NACC2: variants seen among roughly 807,000 people sequenced by gnomAD.
NACC2 encodes the protein nucleus accumbens-associated protein 2.
In NACC2, 8 loss-of-function variants were observed where a neutral mutation model predicts 25.1. The ratio of observed to expected loss-of-function variants is 0.32; its 90% CI spans 0.19 to 0.57. NACC2 has a LOEUF of 0.57. NACC2 is among the 20% of genes least tolerant of loss of function. The pLI, the probability that NACC2 is intolerant of heterozygous loss-of-function variation, is 0.89. For missense variants in NACC2, 644 were observed against 650.2 expected, an observed-to-expected ratio of 0.99 and a Z score of 0.10; for synonymous variants, 435 against 294.7, an observed-to-expected ratio of 1.48 and a Z score of -4.88.
At position 136,007,097 on chromosome 9, in the gene NACC2, T is replaced by C. The variant is rs1049348046; in HGVS notation, c.*4419A>G. On this transcript the variant is annotated 3_prime_UTR_variant, in exon 6 of 6. Transcript: ENST00000277554. Reference sequence around the variant, plus strand: ...TTTATACTTAGTTCTTTTTTTTGTCTGCTAAAAATAGTATTGCAAGTTTTG... The same window carrying C: ...TTTATACTTAGTTCTTTTTTTTGTCCGCTAAAAATAGTATTGCAAGTTTTG... The C allele has an allele frequency of 1.3e-5, 2 of 154,418 alleles. No homozygotes were observed. Among genetic ancestry groups the C allele is most frequent in the African/African-American group, 4.8e-5 (2 of 41,554 alleles). The allele number at this position is 154,418 out of a possible 1,614,324, so 9.6% of individuals were successfully genotyped here.
At chr9:136,065,549 G>C (rs2131174028) in intron 1 of NACC2, among the ~76,000 whole-genome samples, 1 of 152,378 alleles carries the variant, frequency 6.6e-6, no homozygotes, top group East Asian at 1.9e-4. Flanking sequence ...GAACCTGAGA[G>C]GCAGAGGTTG....
chr9:136,073,374 G>A (rs1346929414), intron 1 of NACC2, among the ~76,000 whole-genome samples: 1 of 152,126 alleles, frequency 6.6e-6, no homozygotes, highest in Admixed American at 6.5e-5. Flanking sequence ...AGGCTGCAGT[G>A]AGCTGTGGTC....
Position 136,049,992 on chromosome 9 carries a change from G to C in NACC2, c.530C>G (p.Ala177Gly). 1.5e-6 allele frequency: 1 copy of C among 666,788 alleles called. No individual in the cohort carries two copies. Among genetic ancestry groups the C allele is most frequent in the Non-Finnish European group, 2.7e-6 (1 of 370,020 alleles). 41.3% of individuals were successfully genotyped at this position (666,788 alleles called of 1,614,324 possible). The change falls in exon 2 of 6, where the codon GCC becomes GGC. Residue 177 changes from alanine (A) to glycine (G), a missense_variant. Transcript: ENST00000277554. ...TGGGCCGGCCGGCGGCAGCTCCATG[G>C]CTTCATGCTTTACTCGGGTCAGCAG... ...IPLLTRVKHE[A>G]MELPPAGPGL...
intron 2 of NACC2, among the ~76,000 whole-genome samples, chr9:136,045,632 G>A (rs922243842): frequency 2.6e-5 from 4 of 152,172 alleles, no homozygotes; most frequent in Non-Finnish European, 5.9e-5. Flanking sequence ...GCCCCAGCAT[G>A]GCACTACCCC....
intron 1 of NACC2, among the ~76,000 whole-genome samples, chr9:136,066,479 T>A (rs1190971690): frequency 6.6e-6 from 1 of 152,154 alleles, no homozygotes; most frequent in Non-Finnish European, 1.5e-5. Context: ...CTAGGATGGC[T>A]ATAATCAAAA....
intron 1 of NACC2, among the ~76,000 whole-genome samples, chr9:136,085,419 T>C (rs1378854888): frequency 2.0e-5 from 3 of 151,038 alleles, no homozygotes; most frequent in Non-Finnish European, 4.4e-5. Context: ...CTCCAGAGGC[T>C]GAGGCGGGGA....
chr9:136,011,336 C>T lies in NACC2; in HGVS notation c.*180G>A. 1.5e-6 allele frequency: 1 copy of T among 675,198 alleles called. No homozygotes were observed. The highest frequency in any genetic ancestry group is 2.1e-6 in the Non-Finnish European group (1 of 475,392). The allele number at this position is 675,198 out of a possible 1,614,324, so 41.8% of individuals were successfully genotyped here. A position where few individuals can be genotyped will look rare whatever the true frequency, so the allele number is the denominator to read the frequency against. ...AGGCTGCCAGTGGCCTAATTGTTTA[C>T]AGTATAATGAATGCATTTGTTTCCT... is the stretch of plus-strand genomic sequence containing the variant. On this transcript the variant is annotated 3_prime_UTR_variant, in exon 6 of 6. Transcript: ENST00000277554.
rs1320840709 is a variant in NACC2, at chr9:136,086,302, C to G, written c.-60+8887G>C. On this transcript the variant is annotated intron_variant, in intron 1 of 5. Coordinates refer to ENST00000277554, the MANE Select transcript of NACC2 (RefSeq NM_144653.5). The surrounding 1 kb of genome is among the most constrained non-coding windows in gnomAD (Gnocchi z 5.6). The stretch of plus-strand genomic sequence containing the variant: ...AAGGGCACATGCCCCCCGAGGCCTC[C>G]CACTCAGAGCTGGGAGGGGTTTGGG... 6.6e-6 allele frequency among the ~76,000 whole-genome samples: 1 copy of G among 152,164 alleles called. No individual in the cohort carries two copies. The highest frequency in any genetic ancestry group is 1.5e-5 in the Non-Finnish European group (1 of 68,016).
chr9:136,092,041 GGA>G, intron 1 of NACC2, among the ~76,000 whole-genome samples: 1 of 152,322 alleles, frequency 6.6e-6, no homozygotes, highest in East Asian at 1.9e-4. Context: ...ATCCACCTGG[GGA>G]TTAGGGGGCG....
At chr9:136,058,770 C>T (rs777545372) in intron 1 of NACC2, among the ~76,000 whole-genome samples, 2 of 152,220 alleles carry the variant, frequency 1.3e-5, no homozygotes, top group African/African-American at 2.4e-5. Flanking sequence ...CACACAGCAC[C>T]AGAGATTCGG....
chr9:136,015,256 G>A (rs572326278), intron 3 of NACC2, among the ~76,000 whole-genome samples: 87 of 152,334 alleles, frequency 5.7e-4, no homozygotes, highest in Admixed American at 1.8e-3. Flanking sequence ...CAGGGCCCGC[G>A]TGGGCACCTG....
In NACC2 at chr9:136,014,053, G is replaced by T. The variant is rs565341272; in HGVS notation, c.1052-84C>A. Reference sequence around the variant, plus strand: ...GGCGCACAGATGGGTGAGGGGGAGGGGGGGAGGTGGAGGGGGAGGAGGAGC... The same window carrying T: ...GGCGCACAGATGGGTGAGGGGGAGGTGGGGAGGTGGAGGGGGAGGAGGAGC... On this transcript the variant is annotated intron_variant, in intron 3 of 5. Transcript: ENST00000277554. 2.5e-5 allele frequency: 17 copies of T among 682,356 alleles called. No homozygotes were observed. The African/African-American group carries it at 2.6e-4, about 11-fold the overall frequency. The allele number at this position is 682,356 out of a possible 1,614,324, so 42.3% of individuals were successfully genotyped here.
At chr9:136,028,326 A>T (rs1840424294) in intron 2 of NACC2, among the ~76,000 whole-genome samples, 1 of 151,126 alleles carries the variant, frequency 6.6e-6, no homozygotes, top group African/African-American at 2.4e-5. Flanking sequence ...TACTTTAGGT[A>T]GGCTGACCAC....
At chr9:136,078,620 G>A (rs1000898322) in intron 1 of NACC2, among the ~76,000 whole-genome samples, 1 of 152,208 alleles carries the variant, frequency 6.6e-6, no homozygotes, top group African/African-American at 2.4e-5. Context: ...AAACCTGTGC[G>A]AGGCAAGAGG....
rs1854456620 is a variant in NACC2, at chr9:136,022,209, A to C, written c.887-5780T>G. The stretch of plus-strand genomic sequence containing the variant: ...AGCAGGTGCACAGGGACCCAGGTGG[A>C]AATGGTGAGGGGCAATGTGGGGGCA... On this transcript the variant is annotated intron_variant, in intron 2 of 5. Coordinates refer to ENST00000277554, the MANE Select transcript of NACC2 (RefSeq NM_144653.5). This position sits in a 1 kb window ranked among gnomAD's most constrained non-coding sequence, Gnocchi z 4.4. Among the ~76,000 whole-genome samples the C allele has an allele frequency of 6.6e-6, 1 of 152,184 alleles. No individual in the cohort carries two copies.
intron 1 of NACC2, among the ~76,000 whole-genome samples, chr9:136,080,564 C>T (rs545340684): frequency 1.3e-5 from 2 of 152,112 alleles, no homozygotes; most frequent in Admixed American, 1.3e-4. Context: ...AGCGAAACTC[C>T]ATCTCCCCAC....
intron 2 of NACC2, among the ~76,000 whole-genome samples, chr9:136,024,204 C>A (rs1462194907): frequency 5.3e-5 from 3 of 56,900 alleles, no homozygotes; most frequent in Non-Finnish European, 9.9e-5. Flanking sequence ...TGTGTGAGGA[C>A]AGAGTGTGTG....
rs1840103812 is a variant in NACC2, at chr9:136,011,403, C to T, written c.*113G>A. The stretch of plus-strand genomic sequence containing the variant: ...CAAGCAGAATAAAAATCACATTTTT[C>T]TCAGGCAACAGTAGCAGTTCAGTAG... On this transcript the variant is annotated 3_prime_UTR_variant, in exon 6 of 6. Transcript: ENST00000277554. 1 of 1,146,616 alleles carries T rather than the reference C, an allele frequency of 8.7e-7. No homozygotes were observed. 71.0% of individuals were successfully genotyped at this position (1,146,616 alleles called of 1,614,324 possible).
chr9:136,082,954 A>G (rs777067805), intron 1 of NACC2, among the ~76,000 whole-genome samples: 12 of 152,206 alleles, frequency 7.9e-5, no homozygotes, highest in Non-Finnish European at 1.2e-4. Flanking sequence ...CTCCTGCCAG[A>G]TATCAGGGCG....
Sources: gnomAD v4.1 joint callset for allele counts (sites outside exome capture counted in the v4.1 genomes callset) on GRCh38, gnomAD v4.1.1 for gene constraint, Gnocchi (gnomAD v3.1) non-coding constraint, MANE v1.5 for transcripts, NCBI Gene and HGNC (gene_info 2026-07-23, HGNC 2026-07-21) for gene names.